Variants in NAV2 observed in about 807,000 individuals in gnomAD.
NAV2 encodes helicase, APC down-regulated 1.
Under a neutral mutation model 223.2 loss-of-function variants are expected in NAV2, and 54 were observed. The ratio of observed to expected loss-of-function variants is 0.24; its 90% CI spans 0.19 to 0.30. NAV2 has a LOEUF of 0.30. NAV2 is among the 10% of genes least tolerant of loss of function. NAV2 has a pLI of 1.00. For missense variants in NAV2, 2,806 were observed against 3,147.5 expected (o/e 0.89, Z 2.60); for synonymous variants, 1,279 against 1,239.3 (o/e 1.03, Z -0.67).
Position 19,879,362 on chromosome 11 carries a change from T to C in NAV2, c.512-507T>C, listed in dbSNP as rs958133454. Among the ~76,000 whole-genome samples, 8 of 152,168 alleles carry C rather than the reference T, an allele frequency of 5.3e-5. No homozygotes were observed. In the East Asian group the frequency reaches 1.3e-3, roughly 26 times the overall value. ...ATACCCACCCCAAATTAGAGTTATCTGTTCAGCAGATGGGGGACACAGAGC... is the reference window on the plus strand; with the variant it reads ...ATACCCACCCCAAATTAGAGTTATCCGTTCAGCAGATGGGGGACACAGAGC... On this transcript the variant is annotated intron_variant, in intron 4 of 37. Transcript: ENST00000349880.
Position 19,500,813 on chromosome 11 carries a change from C to T in NAV2, c.75+149786C>T, listed in dbSNP as rs143922696. On this transcript the variant is annotated intron_variant, in intron 1 of 37. Coordinates refer to the NAV2 transcript ENST00000360655. The stretch of plus-strand genomic sequence containing the variant: ...GTAAGGTTGCTCAGGCTGGGTCACA[C>T]AGCTAGTGAGTGGCAAAGATCTTTT... 1.6e-4 allele frequency among the ~76,000 whole-genome samples: 24 copies of T among 152,376 alleles called. 1 individual carries two copies. Among genetic ancestry groups the T allele is most frequent in the African/African-American group, 5.8e-4 (24 of 41,598 alleles).
chr11:19,355,251 GTTTT>G (rs34213206), intron 1 of NAV2, among the ~76,000 whole-genome samples: 1 of 143,076 alleles, frequency 7.0e-6, no homozygotes, highest in African/African-American at 2.6e-5. Context: ...ATTGTTGGTT[GTTTT>G]TTTTTTTTTT....
intron 1 of NAV2, among the ~76,000 whole-genome samples, chr11:19,517,614 A>G (rs1050166120): frequency 2.0e-5 from 3 of 152,208 alleles, no homozygotes; most frequent in Non-Finnish European, 4.4e-5. Flanking sequence ...ATTTCAGGAT[A>G]AGCCCCCAGA....
intron 1 of NAV2, among the ~76,000 whole-genome samples, chr11:19,751,560 G>T (rs2053820718): frequency 1.3e-5 from 2 of 152,076 alleles, no homozygotes; most frequent in Admixed American, 6.5e-5. Flanking sequence ...CGTTATTGTT[G>T]TTCCTGCTGT....
intron 1 of NAV2, among the ~76,000 whole-genome samples, chr11:19,494,450 A>G (rs1306196852): frequency 6.6e-6 from 1 of 152,236 alleles, no homozygotes; most frequent in African/African-American, 2.4e-5. Flanking sequence ...AAAGGCTGAT[A>G]TGCCATTTAA....
At chr11:19,824,778 A>G (rs2059563169) in intron 1 of NAV2, among the ~76,000 whole-genome samples, 1 of 152,194 alleles carries the variant, frequency 6.6e-6, no homozygotes, top group Non-Finnish European at 1.5e-5. Flanking sequence ...ACTCCTTGCT[A>G]GATGCTGCAG....
intron 1 of NAV2, among the ~76,000 whole-genome samples, chr11:19,422,641 G>C (rs934455306): frequency 6.6e-6 from 1 of 152,194 alleles, no homozygotes; most frequent in Admixed American, 6.5e-5. Context: ...GAAACTGCTA[G>C]GTCTGGAGTC....
chr11:19,466,227 T>C (rs1200751834), intron 1 of NAV2, among the ~76,000 whole-genome samples: 1 of 152,242 alleles, frequency 6.6e-6, no homozygotes, highest in African/African-American at 2.4e-5. Context: ...ATGGGTTGGA[T>C]ATTTCATTTG....
chr11:20,044,001 A>G lies in NAV2; in HGVS notation c.2928A>G (p.Ser976=). The change falls in exon 13 of 38, where the codon TCA becomes TCG. Residue 976 remains serine (S), a synonymous_variant. Coordinates refer to ENST00000349880, the MANE Select transcript of NAV2 (RefSeq NM_145117.5). The part of the protein sequence containing the change: ...LDVQTDAEKH[S]QVERNSLWSG... ...CACAGACTGATGCTGAGAAGCACTCACAGGTGGAGAGGAATTCCCTGTGGT... is the reference window on the plus strand; with the variant it reads ...CACAGACTGATGCTGAGAAGCACTCGCAGGTGGAGAGGAATTCCCTGTGGT... 1 of 1,614,098 alleles carries G rather than the reference A, an allele frequency of 6.2e-7. No homozygotes were observed. Among genetic ancestry groups the G allele is most frequent in the Non-Finnish European group, 8.5e-7 (1 of 1,179,938 alleles).
intron 1 of NAV2, among the ~76,000 whole-genome samples, chr11:19,490,638 T>G (rs576494745): frequency 6.6e-6 from 1 of 152,352 alleles, no homozygotes; most frequent in South Asian, 2.1e-4. Context: ...CTATAGTTAC[T>G]TCTTCCACTG....
intron 6 of NAV2, among the ~76,000 whole-genome samples, chr11:19,924,236 C>T (rs934412982): frequency 6.6e-6 from 1 of 151,316 alleles, no homozygotes; most frequent in African/African-American, 2.4e-5. Flanking sequence ...TAAGAACATA[C>T]CTTGTAAAAC....
At chr11:19,625,792 A>T (rs1204846864) in intron 1 of NAV2, among the ~76,000 whole-genome samples, 1 of 152,034 alleles carries the variant, frequency 6.6e-6, no homozygotes, top group Non-Finnish European at 1.5e-5. Flanking sequence ...CATTTCCCTG[A>T]TTACTAGTGA....
chr11:19,719,797 C>T (rs1027215512), intron 1 of NAV2, among the ~76,000 whole-genome samples: 1 of 152,180 alleles, frequency 6.6e-6, no homozygotes, highest in African/African-American at 2.4e-5. Flanking sequence ...AGTCATATCT[C>T]GAGTTGTTAA....
At chr11:19,883,826 C>A (rs1187527848) in intron 5 of NAV2, among the ~76,000 whole-genome samples, 1 of 152,160 alleles carries the variant, frequency 6.6e-6, no homozygotes, top group Non-Finnish European at 1.5e-5. Context: ...CAAAAATCCC[C>A]AAGGCCAGCA....
intron 1 of NAV2, among the ~76,000 whole-genome samples, chr11:19,778,802 C>T (rs893614389): frequency 5.3e-5 from 8 of 152,186 alleles, no homozygotes; most frequent in African/African-American, 1.9e-4. Context: ...GAATCTTTCT[C>T]CAACCAGACT....
intron 6 of NAV2, among the ~76,000 whole-genome samples, chr11:19,900,183 T>C (rs1233707691): frequency 6.6e-6 from 1 of 152,210 alleles, no homozygotes; most frequent in Non-Finnish European, 1.5e-5. Flanking sequence ...GGAATGGAAC[T>C]CAGTGACCAG....
chr11:19,792,240 C>T (rs2057572629), intron 1 of NAV2, among the ~76,000 whole-genome samples: 1 of 152,224 alleles, frequency 6.6e-6, no homozygotes, highest in African/African-American at 2.4e-5. Flanking sequence ...AGTGACATTC[C>T]TTCCTGTCAT....
intron 3 of NAV2, among the ~76,000 whole-genome samples, chr11:19,868,360 G>T (rs2062230747): frequency 6.6e-6 from 1 of 152,164 alleles, no homozygotes; most frequent in Non-Finnish European, 1.5e-5. Flanking sequence ...GGCAAACCTG[G>T]CAGATCTCAC....
At chr11:19,514,274 G>C (rs1192147014) in intron 1 of NAV2, among the ~76,000 whole-genome samples, 1 of 152,122 alleles carries the variant, frequency 6.6e-6, no homozygotes, top group East Asian at 1.9e-4. Flanking sequence ...TCATTTTCAA[G>C]CTTGGAGGGA....
Sources: allele counts gnomAD v4.1 joint callset (sites outside exome capture counted in the v4.1 genomes callset), GRCh38; gene constraint gnomAD v4.1.1; transcripts MANE v1.5; gene names NCBI Gene and HGNC (gene_info 2026-07-23, HGNC 2026-07-21).